The following MUC12 variants were observed in gnomAD, a reference collection of about 807,000 sequenced individuals.
MUC12 encodes mucin 12, cell surface associated.
A neutral mutation model predicts 230.8 loss-of-function variants in MUC12; 172 were observed. That is an observed-to-expected ratio of 0.75 (90% CI 0.66 to 0.85). The LOEUF (loss-of-function observed/expected upper bound fraction) is 0.85. Among genes scored for constraint, MUC12 ranks in the 40% least tolerant of loss-of-function variants. The pLI is 0.00. For missense variants in MUC12, 3,506 were observed against 5,920.6 expected, an observed-to-expected ratio of 0.59 and a Z score of 13.38; for synonymous variants, 1,259 against 2,401.9, an observed-to-expected ratio of 0.52 and a Z score of 13.91.
At position 101,014,003 on chromosome 7, in the gene MUC12, G is replaced by A; in HGVS notation, c.15729G>A (p.Val5243=). 2 of 1,537,050 alleles carry A rather than the reference G, an allele frequency of 1.3e-6. No individual in the cohort carries two copies. Among genetic ancestry groups the A allele is most frequent in the Non-Finnish European group, 1.7e-6 (2 of 1,146,808 alleles). ...TCGTGTATGGGATCGTGGGGGCTGT[G>A]ATGGCGGTGCTGCTGCTCGCATTGA... ...KSLVYGIVGA[V]MAVLLLALII... Residue 5243 remains valine (V), a synonymous_variant, in exon 9 of 12, where the codon GTG becomes GTA. Transcript: ENST00000536621.
In MUC12 at chr7:100,995,969, C is replaced by T; in HGVS notation, c.5406C>T (p.Ser1802=). Residue 1802 remains serine, a synonymous_variant, in exon 2 of 12, where the codon AGC becomes AGT. Transcript: ENST00000536621. ...GTGAAGAATCAAGAACTTCCCACAG[C>T]AGCACAACACACACAATATCTTCAC... ...GRSEESRTSH[S]STTHTISSPP... 1 of 870,720 alleles carries T rather than the reference C, an allele frequency of 1.1e-6. No homozygotes were observed. Among genetic ancestry groups the T allele is most frequent in the Non-Finnish European group, 1.7e-6 (1 of 601,698 alleles). The allele number at this position is 870,720 out of a possible 1,614,324, so 53.9% of individuals were successfully genotyped here. A position where few individuals can be genotyped will look rare whatever the true frequency, so the allele number is the denominator to read the frequency against.
rs559038854 is a variant in MUC12 at position 101,016,334 on chromosome 7, T to A, written c.15877+643T>A. 4.0e-5 allele frequency among the ~76,000 whole-genome samples: 6 copies of A among 151,246 alleles called. No individual in the cohort carries two copies. In the South Asian group the frequency reaches 1.0e-3, roughly 26 times the overall value. ...GCCCACCTTTTTTTGTGAGACAGAG[T>A]CTCACTCTGTCACCCAGGCTGGAGT... is the stretch of plus-strand genomic sequence containing the variant. On this transcript the variant is annotated intron_variant, in intron 10 of 11. Transcript: ENST00000536621.
At chr7:100,971,913 A>G (rs1483503831) in intron 1 of MUC12, among the ~76,000 whole-genome samples, 1 of 152,312 alleles carries the variant, frequency 6.6e-6, no homozygotes, top group African/African-American at 2.4e-5. Flanking sequence ...CCCCCAAGCA[A>G]CCAAAAACCC....
intron 1 of MUC12, among the ~76,000 whole-genome samples, chr7:100,982,074 C>G (rs1448748401): frequency 1.3e-5 from 2 of 152,048 alleles, no homozygotes; most frequent in Admixed American, 1.3e-4. Context: ...ACCGTGTTGG[C>G]CAGGCTGGTC....
chr7:100,988,356 CT>C (rs1267958375), intron 1 of MUC12, among the ~76,000 whole-genome samples: 6 of 151,258 alleles, frequency 4.0e-5, no homozygotes. Flanking sequence ...CTTTGCCTCT[CT>C]TGCTCCTGCT....
At chr7:100,986,687 G>T in intron 1 of MUC12, among the ~76,000 whole-genome samples, 1 of 152,166 alleles carries the variant, frequency 6.6e-6, no homozygotes, top group Admixed American at 6.5e-5. Context: ...ATGGCAGAGG[G>T]TGCCTCTGCT....
At position 101,003,168 on chromosome 7, in the gene MUC12, T is replaced by TGC; in HGVS notation, c.12605_12606insGC (p.Ser4203LeufsTer302). On this transcript the variant is annotated frameshift_variant, in exon 2 of 12. Transcript: ENST00000536621. LOFTEE classifies it high-confidence loss of function. ...AGCCCCAGATCACCGGACACAACAC[T>TGC]TTCACCTGCCAGCACGACAAGCTCA... 2.4e-6 allele frequency: 2 copies of TGC among 831,482 alleles called. No individual in the cohort carries two copies. The highest frequency in any genetic ancestry group is 1.8e-5 in the South Asian group (1 of 54,242). 51.5% of individuals were successfully genotyped at this position (831,482 alleles called of 1,614,324 possible). A position where few individuals can be genotyped will look rare whatever the true frequency, so the allele number is the denominator to read the frequency against.
intron 1 of MUC12, among the ~76,000 whole-genome samples, chr7:100,973,566 G>C (rs1792957204): frequency 8.6e-6 from 1 of 116,850 alleles, no homozygotes; most frequent in South Asian, 2.8e-4. Context: ...TATTTTAAGA[G>C]ATGGGGGTCT....
Position 100,990,993 on chromosome 7 carries a change from C to T in MUC12, c.430C>T (p.Pro144Ser), listed in dbSNP as rs1417788758. 7 of 1,537,756 alleles carry T rather than the reference C, an allele frequency of 4.6e-6. No individual in the cohort carries two copies. Among genetic ancestry groups the T allele is most frequent in the African/African-American group, 1.4e-5 (1 of 73,004 alleles). Reference sequence around the variant, plus strand: ...GAAATCTACCACCTTCTACAGTAGCCCCAGATCACCAGACAGAACACTCTC... The same window carrying T: ...GAAATCTACCACCTTCTACAGTAGCTCCAGATCACCAGACAGAACACTCTC... ...SEKSTTFYSS[P>S]RSPDRTLSPA... Residue 144 changes from proline to serine, a missense_variant, in exon 2 of 12, where the codon CCC becomes TCC. Physicochemically the swap from Pro to Ser is moderately conservative, Grantham distance 74. Coordinates refer to ENST00000536621, the MANE Select transcript of MUC12 (RefSeq NM_001164462.2).
At position 100,995,611 on chromosome 7, in the gene MUC12, A is replaced by G. The variant is rs1159000700; in HGVS notation, c.5048A>G (p.Gln1683Arg). The G allele has an allele frequency of 1.3e-6, 2 of 1,537,014 alleles. No homozygotes were observed. Among genetic ancestry groups the G allele is most frequent in the East Asian group, 4.9e-5 (2 of 40,910 alleles). ...TCCCCTGCCGGCTCTACAACACGTC[A>G]GGGAGAATCTACCACCTTCCAGAGC... ...TLSPAGSTTR[Q>R]GESTTFQSWP... The change falls in exon 2 of 12, where the codon CAG becomes CGG. Residue 1683 changes from glutamine (Q) to arginine (R), a missense_variant. Physicochemically the swap from Gln to Arg is conservative, Grantham distance 43. Transcript: ENST00000536621.
intron 5 of MUC12, among the ~76,000 whole-genome samples, chr7:101,011,448 A>T (rs1342643635): frequency 6.6e-6 from 1 of 152,174 alleles, no homozygotes; most frequent in Non-Finnish European, 1.5e-5. Context: ...ATTTTAAAAA[A>T]TGGGGTCTTG....
chr7:100,983,276 C>T (rs1208941336), intron 1 of MUC12, among the ~76,000 whole-genome samples: 5 of 151,738 alleles, frequency 3.3e-5, no homozygotes, highest in African/African-American at 7.2e-5. Flanking sequence ...AAAAAGTAGC[C>T]GGGTACAGTG....
intron 1 of MUC12, among the ~76,000 whole-genome samples, chr7:100,980,130 A>C (rs965737903): frequency 6.7e-6 from 1 of 150,364 alleles, no homozygotes; most frequent in African/African-American, 2.4e-5. Flanking sequence ...TGCAACCTCC[A>C]CCTCCCAAGT....
intron 1 of MUC12, among the ~76,000 whole-genome samples, chr7:100,970,108 G>A: frequency 6.6e-6 from 1 of 152,296 alleles, no homozygotes. Context: ...CTGGTCGGGA[G>A]AGAGGGAGTC....
chr7:100,990,219 C>A (rs1488449560), intron 1 of MUC12, among the ~76,000 whole-genome samples: 1 of 152,172 alleles, frequency 6.6e-6, no homozygotes, highest in Non-Finnish European at 1.5e-5. Context: ...CTTGTCGGAT[C>A]AGGAGCGGCA....
intron 10 of MUC12, 90 bp downstream of exon 10, chr7:101,015,781 C>A: frequency 8.4e-7 from 1 of 1,190,584 alleles, no homozygotes; most frequent in South Asian, 1.4e-5. Flanking sequence ...GACGTGGGGT[C>A]CAGCCCCCCT....
At chr7:100,981,528 G>C (rs150145540) in intron 1 of MUC12, 247 of 443,348 alleles carry the variant, frequency 5.6e-4, no homozygotes, top group African/African-American at 4.6e-3. Flanking sequence ...CCTAGGAACT[G>C]AATGTGAGAT....
intron 8 of MUC12, among the ~76,000 whole-genome samples, chr7:101,013,513 C>G (rs1452351519): frequency 3.3e-5 from 5 of 152,166 alleles, no homozygotes; most frequent in African/African-American, 9.7e-5. Flanking sequence ...GTCATCTCTG[C>G]CATGCTGTCA....
chr7:100,971,596 C>A (rs73168338), intron 1 of MUC12, among the ~76,000 whole-genome samples: 18 of 152,006 alleles, frequency 1.2e-4, no homozygotes, highest in Non-Finnish European at 1.8e-4. Context: ...GAGGTACAGG[C>A]AGGGAGGAGC....
Sources: gnomAD v4.1 joint callset for allele counts (sites outside exome capture counted in the v4.1 genomes callset) on GRCh38, gnomAD v4.1.1 for gene constraint, MANE v1.5 for transcripts, NCBI Gene and HGNC (gene_info 2026-07-23, HGNC 2026-07-21) for gene names.